SPATA13: variants seen among roughly 807,000 people sequenced by gnomAD.
SPATA13 encodes the protein spermatogenesis-associated protein 13.
Under a neutral mutation model 104.0 loss-of-function variants are expected in SPATA13, and 50 were observed. The observed-to-expected ratio is 0.48, with a 90% CI of 0.38 to 0.61. SPATA13 has a LOEUF of 0.61. SPATA13 is among the 20% of genes least tolerant of loss of function. The probability of loss-of-function intolerance (pLI) is 0.00; values close to 1 mark genes in which losing one functional copy is unlikely to be tolerated. For missense variants in SPATA13, 1,524 were observed against 1,690.6 expected (o/e 0.90, Z 1.73); for synonymous variants, 606 against 667.5 (o/e 0.91, Z 1.42).
At chr13:24,297,117 C>T (rs1876840434) in intron 10 of SPATA13, among the ~76,000 whole-genome samples, 2 of 152,130 alleles carry the variant, frequency 1.3e-5, no homozygotes, top group Admixed American at 1.3e-4. Flanking sequence ...CCATTCACTA[C>T]AGCCTCAAAC....
chr13:24,275,862 A>T (rs1225675304), intron 4 of SPATA13, among the ~76,000 whole-genome samples: 2 of 152,222 alleles, frequency 1.3e-5, no homozygotes, highest in Non-Finnish European at 2.9e-5. Context: ...GGAACCCTGG[A>T]GGCAAAGGCT....
chr13:24,288,904 A>C (rs768276983), intron 7 of SPATA13, 95 bp from the exon 8 acceptor site: 13 of 1,112,648 alleles, frequency 1.2e-5, no homozygotes, highest in Admixed American at 3.1e-5. Context: ...ATTAAAATTC[A>C]TTCCAAGTTC....
intron 3 of SPATA13, among the ~76,000 whole-genome samples, chr13:24,041,885 A>C (rs919895406): frequency 6.6e-6 from 1 of 152,228 alleles, no homozygotes; most frequent in Non-Finnish European, 1.5e-5. Flanking sequence ...TGCAAAGAGC[A>C]GGTGGAATCA....
At position 24,271,321 on chromosome 13, in the gene SPATA13, T is replaced by C. The variant is rs540474756; in HGVS notation, c.2165-12814T>C. On this transcript the variant is annotated intron_variant, in intron 4 of 12. Coordinates refer to ENST00000382108, the MANE Select transcript of SPATA13 (RefSeq NM_001166271.3). The stretch of plus-strand genomic sequence containing the variant: ...ATATTGTTACTGGTTTTTGCTTCTA[T>C]TACATGAAATTCCTTTATTCAATAG... Among the ~76,000 whole-genome samples, 4 of 152,266 alleles carry C rather than the reference T, an allele frequency of 2.6e-5. No homozygotes were observed. The South Asian group carries it at 8.3e-4, about 32-fold the overall frequency.
chr13:24,192,039 C>T (rs1869789476), intron 1 of SPATA13, among the ~76,000 whole-genome samples: 1 of 152,012 alleles, frequency 6.6e-6, no homozygotes, highest in South Asian at 2.1e-4. Flanking sequence ...CTAACAAGCC[C>T]CCACCTCACC....
intron 3 of SPATA13, among the ~76,000 whole-genome samples, chr13:24,082,433 G>A (rs1879552795): frequency 6.6e-6 from 1 of 152,224 alleles, no homozygotes; most frequent in Non-Finnish European, 1.5e-5. Flanking sequence ...TTCACCTTGA[G>A]ATGATTGAGT....
At position 24,302,920 on chromosome 13, in the gene SPATA13, C is replaced by A; in HGVS notation, c.*147C>A. ...AATGAAGGAGAGAAGGTCTTGGAATCACCTTCAGTCTTTGGAGACCCAGCT... is the reference window on the plus strand; with the variant it reads ...AATGAAGGAGAGAAGGTCTTGGAATAACCTTCAGTCTTTGGAGACCCAGCT... On this transcript the variant is annotated 3_prime_UTR_variant, in exon 13 of 13. Coordinates refer to ENST00000382108, the MANE Select transcript of SPATA13 (RefSeq NM_001166271.3). The A allele has an allele frequency of 1.0e-6, 1 of 1,000,062 alleles. No homozygotes were observed. Among genetic ancestry groups the A allele is most frequent in the Non-Finnish European group, 1.5e-6 (1 of 678,718 alleles). The allele number at this position is 1,000,062 out of a possible 1,614,324, so 61.9% of individuals were successfully genotyped here.
chr13:24,122,198 A>G lies in SPATA13; in HGVS notation c.-111-100621A>G, dbSNP rs532471643. ...TCTTCTTTGATCAGCCAGCATTGCT[A>G]TATACTGTAACTGTTTTCTTTGTTC... On this transcript the variant is annotated intron_variant, in intron 3 of 14. Transcript: ENST00000424834. 59 of 1,482,256 alleles carry G rather than the reference A, an allele frequency of 4.0e-5. No homozygotes were observed. The African/African-American group carries it at 6.5e-4, about 16-fold the overall frequency. 91.8% of individuals were successfully genotyped at this position (1,482,256 alleles called of 1,614,324 possible).
intron 3 of SPATA13, among the ~76,000 whole-genome samples, chr13:24,141,043 C>T (rs1020981755): frequency 2.6e-5 from 4 of 151,904 alleles, no homozygotes; most frequent in South Asian, 2.1e-4. Context: ...GGCATGGTAG[C>T]GAGCACCTGT....
intron 10 of SPATA13, among the ~76,000 whole-genome samples, chr13:24,295,125 G>A (rs570061634): frequency 1.3e-5 from 2 of 151,944 alleles, no homozygotes; most frequent in Non-Finnish European, 2.9e-5. Context: ...CTCTCTCCTC[G>A]TAGAGGGAGT....
intron 3 of SPATA13, among the ~76,000 whole-genome samples, chr13:24,149,318 G>C (rs1269649953): frequency 6.6e-6 from 1 of 152,218 alleles, no homozygotes; most frequent in Non-Finnish European, 1.5e-5. Flanking sequence ...TGAAGTAAAG[G>C]TTGGCATCGT....
intron 3 of SPATA13, among the ~76,000 whole-genome samples, chr13:24,025,954 A>G (rs1877194392): frequency 6.6e-6 from 1 of 151,922 alleles, no homozygotes; most frequent in Non-Finnish European, 1.5e-5. Context: ...ACAGGCATAT[A>G]GCACCACGCC....
intron 3 of SPATA13, among the ~76,000 whole-genome samples, chr13:24,108,126 C>T (rs886118398): frequency 2.0e-5 from 3 of 152,158 alleles, no homozygotes; most frequent in African/African-American, 7.2e-5. Context: ...GCTGTGCCAT[C>T]GCCCGGCTGC....
intron 3 of SPATA13, among the ~76,000 whole-genome samples, chr13:24,048,287 A>G (rs1377894476): frequency 6.6e-6 from 1 of 152,178 alleles, no homozygotes; most frequent in Non-Finnish European, 1.5e-5. Context: ...TGACTGTTGC[A>G]TTTTTAGCAT....
chr13:24,186,493 C>T (rs1869159437), intron 1 of SPATA13, among the ~76,000 whole-genome samples: 1 of 152,114 alleles, frequency 6.6e-6, no homozygotes, highest in South Asian at 2.1e-4. Flanking sequence ...TTTCCTAAAT[C>T]CCAGAAACGA....
At chr13:24,003,365 A>C (rs9551035) in intron 2 of SPATA13, among the ~76,000 whole-genome samples, 4 of 152,140 alleles carry the variant, frequency 2.6e-5, no homozygotes, top group Non-Finnish European at 5.9e-5. Flanking sequence ...GCAGGTTTAC[A>C]AGAGAAGGTG....
chr13:24,020,669 G>T (rs1330372666), intron 3 of SPATA13, among the ~76,000 whole-genome samples: 1 of 152,202 alleles, frequency 6.6e-6, no homozygotes, highest in African/African-American at 2.4e-5. Flanking sequence ...AGTTAATTAA[G>T]AGACATTTCA....
intron 3 of SPATA13, among the ~76,000 whole-genome samples, chr13:24,142,194 A>G (rs1881785576): frequency 6.6e-6 from 1 of 151,230 alleles, no homozygotes; most frequent in Non-Finnish European, 1.5e-5. Flanking sequence ...TCCCCCGCCA[A>G]TATTAACATC....
At chr13:24,128,885 T>C (rs1316113659) in intron 3 of SPATA13, among the ~76,000 whole-genome samples, 3 of 152,198 alleles carry the variant, frequency 2.0e-5, no homozygotes, top group Non-Finnish European at 2.9e-5. Context: ...AGAAAACAAG[T>C]GAGCTAAAAC....
Sources: allele counts gnomAD v4.1 joint callset (sites outside exome capture counted in the v4.1 genomes callset), GRCh38; gene constraint gnomAD v4.1.1; transcripts MANE v1.5; gene names NCBI Gene and HGNC (gene_info 2026-07-23, HGNC 2026-07-21).